EFCAB7: variants seen among roughly 807,000 people sequenced by gnomAD.
EFCAB7 encodes EF-hand calcium binding domain 7, also known as EF-hand calcium-binding domain-containing protein 7.
Under a neutral mutation model 77.1 loss-of-function variants are expected in EFCAB7, and 66 were observed. That is an observed-to-expected ratio of 0.86 (90% CI 0.70 to 1.05). The LOEUF (loss-of-function observed/expected upper bound fraction) is 1.05. Ranked by LOEUF, EFCAB7 falls within the 50% of genes least tolerant of loss-of-function variation. The probability of loss-of-function intolerance (pLI) is 0.00; values close to 1 mark genes in which losing one functional copy is unlikely to be tolerated. For synonymous variants in EFCAB7, 225 were observed against 243.3 expected (o/e 0.92, Z 0.70); for missense variants, 638 against 730.5 (o/e 0.87, Z 1.46).
intron 8 of EFCAB7, among the ~76,000 whole-genome samples, chr1:63,552,190 C>A (rs1325071821): frequency 2.0e-5 from 3 of 151,960 alleles, no homozygotes; most frequent in Admixed American, 6.6e-5. Context: ...TGTGAATAGC[C>A]ACTGTACTTC....
At chr1:63,532,549 A>T in intron 3 of EFCAB7, 121 bp from the exon 4 acceptor site, 1 of 647,308 alleles carries the variant, frequency 1.5e-6, no homozygotes, top group Non-Finnish European at 2.6e-6. Context: ...CTCATGATTT[A>T]TAATGAAGCA....
downstream of EFCAB7, among the ~76,000 whole-genome samples, chr1:63,575,221 T>TTA (rs756011304): frequency 6.6e-5 from 10 of 151,988 alleles, no homozygotes; most frequent in Non-Finnish European, 7.4e-5. Flanking sequence ...TCAAGTACTG[T>TTA]TATATATATA....
At chr1:63,571,782 T>A (rs1162582147) in intron 13 of EFCAB7, among the ~76,000 whole-genome samples, 1 of 151,360 alleles carries the variant, frequency 6.6e-6, no homozygotes, top group Non-Finnish European at 1.5e-5. Flanking sequence ...ACTTTTTACA[T>A]CATATAGAAA....
intron 6 of EFCAB7, among the ~76,000 whole-genome samples, chr1:63,537,908 A>G (rs1305870080): frequency 6.6e-6 from 1 of 152,208 alleles, no homozygotes; most frequent in African/African-American, 2.4e-5. Context: ...ATAATACAGA[A>G]TTTGTATGTT....
chr1:63,576,543 G>A (rs1447336465), downstream of EFCAB7, among the ~76,000 whole-genome samples: 1 of 151,350 alleles, frequency 6.6e-6, no homozygotes, highest in East Asian at 2.0e-4. Context: ...CTCTTGTCCA[G>A]GTGCAGTGGC....
intron 7 of EFCAB7, among the ~76,000 whole-genome samples, 179 bp from the exon 8 acceptor site, chr1:63,551,546 G>A (rs896445248): frequency 8.6e-5 from 13 of 151,520 alleles, no homozygotes; most frequent in African/African-American, 2.7e-4. Context: ...AACCAAGATC[G>A]CACCACTGCA....
At chr1:63,543,625 C>T (rs1450691474) in intron 6 of EFCAB7, among the ~76,000 whole-genome samples, 1 of 152,112 alleles carries the variant, frequency 6.6e-6, no homozygotes, top group Admixed American at 6.5e-5. Flanking sequence ...TTAGTCTTCT[C>T]TTAAAAATGT....
At chr1:63,573,196 C>T (rs892615172), downstream of EFCAB7, among the ~76,000 whole-genome samples, 4 of 151,820 alleles carry the variant, frequency 2.6e-5, no homozygotes, top group African/African-American at 9.7e-5. Context: ...AGAGATAATG[C>T]CGGGTGATAT....
At chr1:63,526,105 C>T (rs551683384) in intron 2 of EFCAB7, among the ~76,000 whole-genome samples, 1 of 152,204 alleles carries the variant, frequency 6.6e-6, no homozygotes, top group South Asian at 2.1e-4. Flanking sequence ...TTGACCCATA[C>T]TGAGGAAAGT....
chr1:63,525,707 T>C lies in EFCAB7; in HGVS notation c.135T>C (p.Thr45=). 6.3e-7 allele frequency: 1 copy of C among 1,587,244 alleles called. No individual in the cohort carries two copies. Among genetic ancestry groups the C allele is most frequent in the Non-Finnish European group, 8.5e-7 (1 of 1,174,108 alleles). The change falls in exon 2 of 14, where the codon ACT becomes ACC. Residue 45 remains threonine (T), a synonymous_variant. Transcript: ENST00000371088. The part of the protein sequence containing the change: ...FYMNCRAAYL[T]VFKSSLENII... ...TGAATTGTAGAGCTGCCTACTTAAC[T>C]GTCTTCAAAAGCAGCTTGGAAAACA... is the stretch of plus-strand genomic sequence containing the variant.
At chr1:63,554,473 GGGATTATA>G (rs1201873963) in intron 8 of EFCAB7, among the ~76,000 whole-genome samples, 4 of 152,146 alleles carry the variant, frequency 2.6e-5, no homozygotes, top group African/African-American at 9.7e-5. Context: ...CCAAGTAGCT[GGGATTATA>G]GGCGCCCGCC....
intron 8 of EFCAB7, among the ~76,000 whole-genome samples, chr1:63,554,512 G>C (rs1647005081): frequency 6.6e-6 from 1 of 151,994 alleles, no homozygotes; most frequent in Non-Finnish European, 1.5e-5. Context: ...GCTAATTTTT[G>C]TATTTTTAGT....
intron 8 of EFCAB7, among the ~76,000 whole-genome samples, chr1:63,553,416 T>G (rs1464255689): frequency 6.6e-6 from 1 of 152,050 alleles, no homozygotes; most frequent in African/African-American, 2.4e-5. Flanking sequence ...TCTTGCTCAC[T>G]GCAACCTCCG....
At chr1:63,574,296 A>G (rs11208244), downstream of EFCAB7, among the ~76,000 whole-genome samples, 38,751 of 152,130 alleles carry the variant, frequency 0.25, 6,588 homozygotes, top group African/African-American at 0.49. Flanking sequence ...TCTATGAGGC[A>G]GGCTTAATGG....
At chr1:63,532,241 C>G (rs1646706563) in intron 3 of EFCAB7, among the ~76,000 whole-genome samples, 1 of 152,042 alleles carries the variant, frequency 6.6e-6, no homozygotes, top group African/African-American at 2.4e-5. Context: ...GCTTATGTTA[C>G]CATCCCCTTG....
At chr1:63,576,518 C>T (rs1647421428), downstream of EFCAB7, among the ~76,000 whole-genome samples, 1 of 151,134 alleles carries the variant, frequency 6.6e-6, no homozygotes, top group Non-Finnish European at 1.5e-5. Context: ...TAACAAAGTA[C>T]TTTAATAATA....
chr1:63,535,200 ATTATG>A (rs1646749058), intron 6 of EFCAB7, among the ~76,000 whole-genome samples: 1 of 152,096 alleles, frequency 6.6e-6, no homozygotes, highest in African/African-American at 2.4e-5. Context: ...ATTAATGTGG[ATTATG>A]TTAAGTTATA....
Position 63,551,731 on chromosome 1 carries a change from C to A in EFCAB7, c.953C>A (p.Pro318Gln). 6.6e-7 allele frequency: 1 copy of A among 1,514,782 alleles called. No homozygotes were observed. The highest frequency in any genetic ancestry group is 1.8e-4 in the Middle Eastern group (1 of 5,606). 93.8% of individuals were successfully genotyped at this position (1,514,782 alleles called of 1,614,324 possible). A position where few individuals can be genotyped will look rare whatever the true frequency, so the allele number is the denominator to read the frequency against. ...CTTTTTTTTTTGTTTGTAGGAAAAC[C>A]ATCCCCTTGGTTATCCGTTGATACT... is the stretch of plus-strand genomic sequence containing the variant. ...PLNLSQVEGK[P>Q]SPWLSVDTAL... Residue 318 changes from proline to glutamine, a missense_variant, in exon 8 of 14, where the codon CCA (proline) becomes CAA (glutamine). Transcript: ENST00000371088.
intron 7 of EFCAB7, chr1:63,549,231 T>TA (rs1646937170): frequency 2.4e-6 from 1 of 417,540 alleles, no homozygotes; most frequent in African/African-American, 2.1e-5. Context: ...GATTAAGGTT[T>TA]AATAATGATA....
Sources: gnomAD v4.1 joint callset for allele counts (sites outside exome capture counted in the v4.1 genomes callset) on GRCh38, gnomAD v4.1.1 for gene constraint, MANE v1.5 for transcripts, NCBI Gene and HGNC (gene_info 2026-07-23, HGNC 2026-07-21) for gene names.